MGAT5: variants seen among roughly 807,000 people sequenced by gnomAD.
The protein encoded by MGAT5 is alpha-1,6-mannosylglycoprotein 6-beta-N-acetylglucosaminyltransferase A.
A neutral mutation model predicts 94.3 loss-of-function variants in MGAT5; 30 were observed. That is an observed-to-expected ratio of 0.32 (90% CI 0.24 to 0.43). The LOEUF (loss-of-function observed/expected upper bound fraction) is 0.43. MGAT5 is among the 20% of genes least tolerant of loss of function. The pLI, the probability that MGAT5 is intolerant of heterozygous loss-of-function variation, is 1.00. For synonymous variants in MGAT5, 310 were observed against 322.9 expected, an observed-to-expected ratio of 0.96 and a Z score of 0.43; for missense variants, 691 against 905.5, an observed-to-expected ratio of 0.76 and a Z score of 3.04.
chr2:134,403,667 G>A (rs909157455), intron 11 of MGAT5, among the ~76,000 whole-genome samples: 1 of 152,206 alleles, frequency 6.6e-6, no homozygotes, highest in African/African-American at 2.4e-5. Context: ...AAAGATGGAT[G>A]GAGTGTAGAC....
chr2:134,393,830 G>A lies in MGAT5; in HGVS notation c.1381-9158G>A, dbSNP rs1392666248. On this transcript the variant is annotated intron_variant, in intron 10 of 15. Coordinates refer to ENST00000281923, the MANE Select transcript of MGAT5 (RefSeq NM_002410.5). ...TGTAATTCAGAATCAAACTAATGAAGCTGTCCTGGTTGCACCCCACCCCCA... is the reference window on the plus strand; with the variant it reads ...TGTAATTCAGAATCAAACTAATGAAACTGTCCTGGTTGCACCCCACCCCCA... 3.3e-5 allele frequency among the ~76,000 whole-genome samples: 5 copies of A among 152,154 alleles called. 1 individual carries two copies. The highest frequency in any genetic ancestry group is 9.7e-5 in the African/African-American group (4 of 41,428).
At chr2:134,253,143 A>T (rs1374165957), upstream of MGAT5, 1 of 152,224 alleles carries the variant, frequency 6.6e-6, no homozygotes, top group African/African-American at 2.4e-5. Flanking sequence ...CAGGGCTCTG[A>T]AAGCTAATTG....
chr2:134,259,543 A>G (rs1683188679), intron 1 of MGAT5, among the ~76,000 whole-genome samples: 1 of 152,180 alleles, frequency 6.6e-6, no homozygotes, highest in South Asian at 2.1e-4. Context: ...GTACTGTCCT[A>G]GAAAAGCTGC....
chr2:134,121,314 T>C (rs13382592), intron 1 of MGAT5, among the ~76,000 whole-genome samples: 17,498 of 152,288 alleles, frequency 0.11, 1,314 homozygotes, highest in African/African-American at 0.21. Flanking sequence ...GCCCGCTTGG[T>C]GCCCGGACCT....
At chr2:134,247,095 G>A (rs904889736) in intron 1 of MGAT5, among the ~76,000 whole-genome samples, 3 of 152,152 alleles carry the variant, frequency 2.0e-5, no homozygotes, top group Non-Finnish European at 2.9e-5. Context: ...TTATGAATGG[G>A]AGTGGCTATC....
rs191728236 is a variant in MGAT5 at position 134,365,046 on chromosome 2, C to T, written c.1380+2638C>T. ...CATTCCCCTCTCCCCTACCCAATCCCGATTCACCTCAGAGAGCTTCAGGAA... is the reference window on the plus strand; with the variant it reads ...CATTCCCCTCTCCCCTACCCAATCCTGATTCACCTCAGAGAGCTTCAGGAA... On this transcript the variant is annotated intron_variant, in intron 10 of 15. Coordinates refer to ENST00000281923, the MANE Select transcript of MGAT5 (RefSeq NM_002410.5). Among the ~76,000 whole-genome samples the T allele has an allele frequency of 6.3e-4, 96 of 152,294 alleles. No individual in the cohort carries two copies. In the East Asian group the frequency reaches 0.016, roughly 25 times the overall value.
In MGAT5 at chr2:134,344,918, C is replaced by T. The variant is rs1231898823; in HGVS notation, c.978-12C>T. The T allele has an allele frequency of 6.2e-7, 1 of 1,609,584 alleles. No individual in the cohort carries two copies. The highest frequency in any genetic ancestry group is 1.3e-5 in the African/African-American group (1 of 74,840). On this transcript the variant is annotated splice_polypyrimidine_tract_variant and intron_variant, in intron 7 of 15. Transcript: ENST00000281923. ...TCTCTTTTTTCTCCCCTCTCTTTTG[C>T]CGTTTCTCTAGAATCATGAAGAAGG...
chr2:134,131,391 A>G (rs765451338), intron 1 of MGAT5, among the ~76,000 whole-genome samples: 1 of 152,228 alleles, frequency 6.6e-6, no homozygotes, highest in Non-Finnish European at 1.5e-5. Context: ...TGGCAGAGCC[A>G]GGGTACAAAA....
At chr2:134,308,564 G>C (rs953885403) in intron 2 of MGAT5, among the ~76,000 whole-genome samples, 3 of 152,178 alleles carry the variant, frequency 2.0e-5, no homozygotes, top group African/African-American at 7.2e-5. Flanking sequence ...CCCTCAAGGT[G>C]AATAATGTTT....
chr2:134,426,203 C>T (rs1340126902), intron 13 of MGAT5, among the ~76,000 whole-genome samples: 1 of 136,956 alleles, frequency 7.3e-6, no homozygotes, highest in Non-Finnish European at 1.6e-5. Context: ...TCTGACTCAC[C>T]GACTTCCTTC....
At chr2:134,354,026 T>C (rs1679561084) in intron 9 of MGAT5, among the ~76,000 whole-genome samples, 1 of 152,188 alleles carries the variant, frequency 6.6e-6, no homozygotes, top group African/African-American at 2.4e-5. Context: ...GTCCTTCCCA[T>C]AGAGCCCTCC....
At chr2:134,197,707 A>G (rs914591885) in intron 1 of MGAT5, among the ~76,000 whole-genome samples, 4 of 152,234 alleles carry the variant, frequency 2.6e-5, no homozygotes, top group Non-Finnish European at 4.4e-5. Context: ...ACTGATTTAA[A>G]CAAGACAGTT....
rs956440326 is a variant in MGAT5 at position 134,347,727 on chromosome 2, G to A, written c.1113-2078G>A. 6.6e-5 allele frequency among the ~76,000 whole-genome samples: 10 copies of A among 152,310 alleles called. No individual in the cohort carries two copies. In the East Asian group the frequency reaches 1.5e-3, roughly 24 times the overall value. ...ATACCACTTTATATAAGGGACTTGA[G>A]TATCCTTGGATTTTGGTGTCCACAG... On this transcript the variant is annotated intron_variant, in intron 8 of 15. Coordinates refer to ENST00000281923, the MANE Select transcript of MGAT5 (RefSeq NM_002410.5).
intron 4 of MGAT5, among the ~76,000 whole-genome samples, chr2:134,334,684 A>G (rs1200436757): frequency 6.6e-6 from 1 of 152,018 alleles, no homozygotes. Context: ...ACAGATGTGC[A>G]TAATGCTACT....
chr2:134,314,321 G>A (rs1181299255), intron 2 of MGAT5, among the ~76,000 whole-genome samples: 1 of 152,204 alleles, frequency 6.6e-6, no homozygotes, highest in Non-Finnish European at 1.5e-5. Context: ...AGTTGCAGAG[G>A]AGACTGTCGA....
intron 15 of MGAT5, among the ~76,000 whole-genome samples, chr2:134,443,824 G>C (rs1685625224): frequency 6.6e-6 from 1 of 152,198 alleles, no homozygotes; most frequent in South Asian, 2.1e-4. Context: ...GAATTCACTA[G>C]TTACAGACTA....
At chr2:134,395,098 G>A (rs543092458) in intron 10 of MGAT5, among the ~76,000 whole-genome samples, 3 of 152,304 alleles carry the variant, frequency 2.0e-5, no homozygotes, top group African/African-American at 7.2e-5. Context: ...TTTTCTGCAT[G>A]GTAGTATAGC....
intron 7 of MGAT5, among the ~76,000 whole-genome samples, chr2:134,343,246 G>A (rs62168059): frequency 0.16 from 24,002 of 152,148 alleles, 2,070 homozygotes; most frequent in Middle Eastern, 0.37. Flanking sequence ...ACTTAACATC[G>A]TTGATAGGTT....
At chr2:134,404,072 C>G (rs1273880552) in intron 11 of MGAT5, among the ~76,000 whole-genome samples, 1 of 152,172 alleles carries the variant, frequency 6.6e-6, no homozygotes, top group Admixed American at 6.5e-5. Context: ...GATAAACTCC[C>G]TCAGGTTTAT....
Sources: allele counts gnomAD v4.1 joint callset (sites outside exome capture counted in the v4.1 genomes callset), GRCh38; gene constraint gnomAD v4.1.1; transcripts MANE v1.5; gene names NCBI Gene and HGNC (gene_info 2026-07-23, HGNC 2026-07-21).